Variants in RELL1 observed in about 807,000 individuals in gnomAD.
RELL1 encodes the protein RELT-like protein 1.
RELL1 carries 10 observed loss-of-function variants against 23.0 expected under a neutral mutation model. The observed-to-expected ratio is 0.43, with a 90% confidence interval of 0.27 to 0.74. RELL1 has a LOEUF of 0.74. RELL1 is among the 30% of genes least tolerant of loss of function. The probability of loss-of-function intolerance (pLI) is 0.19; values close to 1 mark genes in which losing one functional copy is unlikely to be tolerated. For synonymous variants in RELL1, 146 were observed against 146.8 expected (o/e 0.99, Z 0.04); for missense variants, 315 against 364.4 (o/e 0.86, Z 1.10).
At chr4:37,592,666 C>T (rs1718676908) in intron 6 of RELL1, among the ~76,000 whole-genome samples, 1 of 152,216 alleles carries the variant, frequency 6.6e-6, no homozygotes. Context: ...TGAAATCTGA[C>T]TGAACTTCAT....
intron 1 of RELL1, among the ~76,000 whole-genome samples, chr4:37,673,382 G>A (rs977749202): frequency 6.6e-6 from 1 of 151,510 alleles, no homozygotes; most frequent in Non-Finnish European, 1.5e-5. Flanking sequence ...TGTAGAGACG[G>A]GGTCTTGCTA....
chr4:37,604,888 GACACAC>G (rs757621847), intron 6 of RELL1, among the ~76,000 whole-genome samples: 18 of 63,502 alleles, frequency 2.8e-4, no homozygotes, highest in Non-Finnish European at 3.4e-4. Context: ...CATACACACA[GACACAC>G]ACACAGACAC....
At chr4:37,668,962 AG>A (rs1721655778) in intron 1 of RELL1, among the ~76,000 whole-genome samples, 1 of 150,368 alleles carries the variant, frequency 6.7e-6, no homozygotes. Context: ...CTGAGAGGTG[AG>A]GAGCCCCTCT....
intron 1 of RELL1, among the ~76,000 whole-genome samples, chr4:37,652,582 C>A (rs1345854673): frequency 6.6e-6 from 1 of 152,108 alleles, no homozygotes; most frequent in Non-Finnish European, 1.5e-5. Flanking sequence ...CTGTTTCAAT[C>A]TGGGGGTGAA....
At chr4:37,627,261 A>G (rs376314152) in intron 6 of RELL1, among the ~76,000 whole-genome samples, 1 of 152,246 alleles carries the variant, frequency 6.6e-6, no homozygotes, top group Non-Finnish European at 1.5e-5. Context: ...GGAACAAAAG[A>G]GGGCAGACTT....
intron 1 of RELL1, among the ~76,000 whole-genome samples, chr4:37,654,403 G>C (rs962043053): frequency 4.6e-5 from 7 of 152,184 alleles, no homozygotes; most frequent in African/African-American, 1.4e-4. Flanking sequence ...TAGCTAACAA[G>C]AAAGATGCAG....
At chr4:37,638,402 T>G (rs1241287240) in intron 4 of RELL1, 45 bp downstream of exon 4, 20 of 1,457,694 alleles carry the variant, frequency 1.4e-5, no homozygotes, top group Non-Finnish European at 1.8e-5. Context: ...TCTGAGCAAG[T>G]AACTGAAAAG....
intron 4 of RELL1, 45 bp from the exon 5 acceptor site, chr4:37,635,168 TATC>T (rs1720281329): frequency 5.4e-6 from 8 of 1,476,024 alleles, no homozygotes; most frequent in Non-Finnish European, 6.6e-6. Context: ...TTAAAGGAAA[TATC>T]AGCGAAGGTG....
rs1240686948 is a variant in RELL1, at chr4:37,612,475, A to AAAAT, written c.*867_*870dup. Among the ~76,000 whole-genome samples, 1 of 151,920 alleles carries AAAAT rather than the reference A, an allele frequency of 6.6e-6. No homozygotes were observed. The highest frequency in any genetic ancestry group is 1.5e-5 in the Non-Finnish European group (1 of 67,980). ...ATATAGTGATACCCCGTCTCTACTA[A>AAAAT]AAATACAAAAATTAGTCGAGCGTGG... is the stretch of plus-strand genomic sequence containing the variant. On this transcript the variant is annotated 3_prime_UTR_variant, in exon 7 of 7. Transcript: ENST00000454158.
intron 5 of RELL1, among the ~76,000 whole-genome samples, chr4:37,631,784 A>G (rs562651571): frequency 2.0e-5 from 3 of 151,700 alleles, no homozygotes; most frequent in Non-Finnish European, 4.4e-5. Flanking sequence ...GCATTTAAAA[A>G]CTCAGGTATT....
At chr4:37,651,740 C>T (rs1025757199) in intron 1 of RELL1, among the ~76,000 whole-genome samples, 1 of 152,220 alleles carries the variant, frequency 6.6e-6, no homozygotes, top group African/African-American at 2.4e-5. Context: ...ACTCACTCCC[C>T]ATTCTGAGTC....
Position 37,686,331 on chromosome 4 carries a change from C to T in RELL1, c.-44G>A, listed in dbSNP as rs924543896. The T allele has an allele frequency of 2.1e-6, 3 of 1,433,548 alleles. No individual in the cohort carries two copies. Among genetic ancestry groups the T allele is most frequent in the Non-Finnish European group, 2.8e-6 (3 of 1,087,466 alleles). The allele number at this position is 1,433,548 out of a possible 1,614,324, so 88.8% of individuals were successfully genotyped here. A position where few individuals can be genotyped will look rare whatever the true frequency, so the allele number is the denominator to read the frequency against. On this transcript the variant is annotated 5_prime_UTR_variant, in exon 1 of 7. Transcript: ENST00000454158. ...TCCTCCCCCAGGGCGCCGCGTCCCG[C>T]GCTCGGGAAGGCAGAGCCGCTCCGG... is the stretch of plus-strand genomic sequence containing the variant.
intron 6 of RELL1, among the ~76,000 whole-genome samples, chr4:37,604,936 C>CAG (rs1719148987): frequency 7.1e-6 from 1 of 140,408 alleles, no homozygotes. Flanking sequence ...CACACACAGA[C>CAG]ACACACATAC....
chr4:37,649,945 C>A (rs1237075186), intron 1 of RELL1, among the ~76,000 whole-genome samples: 1 of 152,208 alleles, frequency 6.6e-6, no homozygotes, highest in East Asian at 1.9e-4. Flanking sequence ...TCAGAACACT[C>A]AAGTTCAATT....
At chr4:37,633,695 A>G (rs1720220595) in intron 5 of RELL1, among the ~76,000 whole-genome samples, 1 of 152,186 alleles carries the variant, frequency 6.6e-6, no homozygotes, top group Non-Finnish European at 1.5e-5. Flanking sequence ...TAAAAATAAT[A>G]CCAGCCAACA....
intron 4 of RELL1, among the ~76,000 whole-genome samples, chr4:37,635,353 C>G (rs907799763): frequency 3.3e-5 from 5 of 152,104 alleles, no homozygotes; most frequent in Admixed American, 2.0e-4. Context: ...CGGTCAGGCA[C>G]AACAGCTCAT....
At chr4:37,668,044 A>T (rs1241676470) in intron 1 of RELL1, among the ~76,000 whole-genome samples, 1 of 152,130 alleles carries the variant, frequency 6.6e-6, no homozygotes, top group South Asian at 2.1e-4. Flanking sequence ...AAAAAAAGAC[A>T]TCAAAATGTT....
chr4:37,679,760 G>C (rs1281370561), intron 1 of RELL1, among the ~76,000 whole-genome samples: 1 of 152,068 alleles, frequency 6.6e-6, no homozygotes, highest in Non-Finnish European at 1.5e-5. Context: ...TTCCAGATCA[G>C]CCTGGCCAAT....
intron 1 of RELL1, among the ~76,000 whole-genome samples, chr4:37,662,260 T>C (rs1443718956): frequency 6.6e-6 from 1 of 152,208 alleles, no homozygotes; most frequent in Non-Finnish European, 1.5e-5. Context: ...TAATGATAAT[T>C]ATCATTTTTA....
Sources: gnomAD v4.1 joint callset for allele counts (sites outside exome capture counted in the v4.1 genomes callset) on GRCh38, gnomAD v4.1.1 for gene constraint, MANE v1.5 for transcripts, NCBI Gene and HGNC (gene_info 2026-07-23, HGNC 2026-07-21) for gene names.